Variants in LEO1 observed in about 807,000 individuals in gnomAD.
LEO1 encodes RNA polymerase-associated protein LEO1.
In LEO1, 34 loss-of-function variants were observed where a neutral mutation model predicts 80.4. That is an observed-to-expected ratio of 0.42 (90% CI 0.32 to 0.56). The LOEUF (loss-of-function observed/expected upper bound fraction) is 0.56, where lower values mean the gene tolerates loss of function less well. Ranked by LOEUF, LEO1 falls within the 20% of genes least tolerant of loss-of-function variation. The probability of loss-of-function intolerance (pLI) is 0.10; values close to 1 mark genes in which losing one functional copy is unlikely to be tolerated. For synonymous variants in LEO1, 262 were observed against 274.9 expected, an observed-to-expected ratio of 0.95 and a Z score of 0.46; for missense variants, 631 against 814.2, an observed-to-expected ratio of 0.77 and a Z score of 2.74.
intron 2 of LEO1, 110 bp downstream of exon 2, chr15:51,965,639 G>A: frequency 1.4e-6 from 2 of 1,411,876 alleles, no homozygotes; most frequent in Non-Finnish European, 1.9e-6. Context: ...GAAAGGGAGG[G>A]GACAGAAGAG....
At chr15:51,962,806 C>T (rs2057041892) in intron 2 of LEO1, among the ~76,000 whole-genome samples, 1 of 151,964 alleles carries the variant, frequency 6.6e-6, no homozygotes, top group Non-Finnish European at 1.5e-5. Flanking sequence ...AGATACGACT[C>T]AAAAGGGATA....
Position 51,970,462 on chromosome 15 carries a change from C to A in LEO1, c.58+1226G>T, listed in dbSNP as rs182541528. On this transcript the variant is annotated intron_variant, in intron 1 of 11. Transcript: ENST00000299601. Reference sequence around the variant, plus strand: ...ATTCAAACAACCCAATGTCCATCAACAGATAAATGGATTAACAAATTTAGG... The same window carrying A: ...ATTCAAACAACCCAATGTCCATCAAAAGATAAATGGATTAACAAATTTAGG... Among the ~76,000 whole-genome samples the A allele has an allele frequency of 3.8e-3, 586 of 152,262 alleles. 2 individuals carry two copies. Among genetic ancestry groups the A allele is most frequent in the Middle Eastern group, 0.014 (4 of 294 alleles).
chr15:51,941,496 C>T (rs1338757294), intron 11 of LEO1, among the ~76,000 whole-genome samples: 3 of 152,106 alleles, frequency 2.0e-5, no homozygotes, highest in Admixed American at 1.3e-4. Context: ...CTTCACAGAA[C>T]GTACCTGTTT....
chr15:51,947,872 C>T (rs1177038488), intron 10 of LEO1, among the ~76,000 whole-genome samples: 2 of 151,978 alleles, frequency 1.3e-5, no homozygotes, highest in African/African-American at 4.8e-5. Context: ...TTTAGATATG[C>T]GGAAATGAAG....
intron 6 of LEO1, 129 bp downstream of exon 6, chr15:51,958,603 CAACAAAAGCA>C (rs2057007227): frequency 3.2e-6 from 2 of 616,528 alleles, no homozygotes; most frequent in Admixed American, 6.7e-5. Context: ...TCCTAATAGT[CAACAAAAGCA>C]ATCAAAAGAA....
intron 9 of LEO1, among the ~76,000 whole-genome samples, chr15:51,950,858 T>A (rs2056943537): frequency 6.6e-6 from 1 of 152,162 alleles, no homozygotes; most frequent in Non-Finnish European, 1.5e-5. Flanking sequence ...ATGCTCAAAG[T>A]GGTTCAAGAG....
intron 8 of LEO1, chr15:51,952,262 C>T: frequency 4.5e-6 from 1 of 220,886 alleles, no homozygotes; most frequent in South Asian, 1.5e-4. Flanking sequence ...TACGCTCAAG[C>T]AACATTAATT....
intron 6 of LEO1, chr15:51,954,948 T>C (rs1296561113): frequency 3.0e-5 from 5 of 166,032 alleles, no homozygotes; most frequent in African/African-American, 1.2e-4. Context: ...TTTTTTTTTT[T>C]TTTTTTGAGA....
intron 9 of LEO1, 41 bp from the exon 10 acceptor site, chr15:51,950,035 T>C (rs771246365): frequency 3.2e-6 from 5 of 1,543,834 alleles, no homozygotes; most frequent in Non-Finnish European, 4.4e-6. Flanking sequence ...AAAAAGGAGC[T>C]ACTTTTGTGC....
chr15:51,959,146 G>A (rs2057011553), intron 5 of LEO1, among the ~76,000 whole-genome samples: 1 of 152,002 alleles, frequency 6.6e-6, no homozygotes, highest in Admixed American at 6.6e-5. Context: ...GGGATTACAG[G>A]AATGCGCCAC....
At chr15:51,960,513 C>T (rs2057021564) in intron 4 of LEO1, 126 bp downstream of exon 4, 1 of 623,652 alleles carries the variant, frequency 1.6e-6, no homozygotes, top group Non-Finnish European at 2.9e-6. Context: ...TGAAGAAAGT[C>T]ATCTGTTCAT....
intron 5 of LEO1, among the ~76,000 whole-genome samples, chr15:51,959,153 C>T (rs1430476436): frequency 6.6e-6 from 1 of 152,188 alleles, no homozygotes; most frequent in Non-Finnish European, 1.5e-5. Context: ...CAGGAATGCG[C>T]CACCATGCCT....
chr15:51,948,117 A>G (rs990696176), intron 10 of LEO1, among the ~76,000 whole-genome samples: 1 of 152,102 alleles, frequency 6.6e-6, no homozygotes, highest in African/African-American at 2.4e-5. Context: ...TCAAAGAGAG[A>G]TGTAGAGGGG....
chr15:51,951,996 GAAGAGCATATCACTGTTTACC>G lies in LEO1; in HGVS notation c.1476-38_1476-18del, dbSNP rs1566882762. 5 of 1,609,002 alleles carry G rather than the reference GAAGAGCATATCACTGTTTACC, an allele frequency of 3.1e-6. No homozygotes were observed. Among genetic ancestry groups the G allele is most frequent in the Non-Finnish European group, 4.2e-6 (5 of 1,176,800 alleles). On this transcript the variant is annotated intron_variant, in intron 8 of 11. Transcript: ENST00000299601. ...GAGTGAGGTCTGCCAGGAAATAAAC[GAAGAGCATATCACTGTTTACC>G]AAATACATTTGTGAGCCAGTGATAC... is the stretch of plus-strand genomic sequence containing the variant.
chr15:51,962,248 T>G (rs564394476), intron 3 of LEO1, 141 bp downstream of exon 3: 1 of 493,646 alleles, frequency 2.0e-6, no homozygotes, highest in Admixed American at 3.8e-5. Flanking sequence ...ATATAACTTC[T>G]CTGAGTACAC....
rs186870266 is a variant in LEO1 at position 51,949,624 on chromosome 15, C to T, written c.1798+184G>A. ...CTGAGGCAGGAGAATCACTTGAACC[C>T]AGGAGGCAGAGGTTGCAGTGAGCCG... On this transcript the variant is annotated intron_variant, in intron 10 of 11. Transcript: ENST00000299601. Among the ~76,000 whole-genome samples the T allele has an allele frequency of 4.4e-3, 657 of 148,944 alleles. 6 individuals are homozygous for T. Among genetic ancestry groups the T allele is most frequent in the African/African-American group, 0.016 (632 of 40,436 alleles).
Position 51,966,073 on chromosome 15 carries a change from C to G in LEO1, c.490G>C (p.Asp164His), listed in dbSNP as rs1210527992. The G allele has an allele frequency of 1.9e-6, 3 of 1,613,912 alleles. No homozygotes were observed. The highest frequency in any genetic ancestry group is 2.5e-6 in the Non-Finnish European group (3 of 1,180,044). ...SDDEKIQNSD[D>H]EERAQGSDED... Reference sequence around the variant, plus strand: ...TCAGATCCTTGTGCCCTCTCCTCATCATCAGAATTTTGTATCTTTTCATCA... The same window carrying G: ...TCAGATCCTTGTGCCCTCTCCTCATGATCAGAATTTTGTATCTTTTCATCA... The change falls in exon 2 of 12, where the codon GAT becomes CAT. Residue 164 changes from aspartate to histidine, a missense_variant. Asp to His is a moderately conservative substitution (Grantham distance 81). Around this residue, in one of 4 missense-constraint regions of LEO1, gnomAD observed 394 missense variants for 395.6 expected, o/e 1.00. Coordinates refer to ENST00000299601, the MANE Select transcript of LEO1 (RefSeq NM_138792.4).
intron 2 of LEO1, among the ~76,000 whole-genome samples, chr15:51,965,374 GT>G (rs983039052): frequency 2.0e-5 from 3 of 152,114 alleles, no homozygotes; most frequent in Admixed American, 1.3e-4. Context: ...CAATGGTATG[GT>G]TTTTTTCCCC....
At position 51,947,272 on chromosome 15, in the gene LEO1, T is replaced by C. The variant is rs754225775; in HGVS notation, c.1896+20A>G. The stretch of plus-strand genomic sequence containing the variant: ...CTGAGTACAGGATAAACCCCTAGAA[T>C]TGAATAAATTTGGTCTTACCTCATC... On this transcript the variant is annotated intron_variant, in intron 11 of 11. Transcript: ENST00000299601. The C allele has an allele frequency of 5.3e-6, 8 of 1,519,152 alleles. No individual in the cohort carries two copies. The highest frequency in any genetic ancestry group is 2.3e-5 in the East Asian group (1 of 44,436). The allele number at this position is 1,519,152 out of a possible 1,614,324, so 94.1% of individuals were successfully genotyped here.
Sources: gnomAD v4.1 joint callset for allele counts (sites outside exome capture counted in the v4.1 genomes callset) on GRCh38, gnomAD v4.1.1 for gene constraint, gnomAD v4.1.1 regional missense constraint, MANE v1.5 for transcripts, NCBI Gene and HGNC (gene_info 2026-07-23, HGNC 2026-07-21) for gene names.